Variants in TRHDE observed in about 807,000 individuals in gnomAD.
TRHDE encodes thyrotropin-releasing hormone-degrading ectoenzyme.
TRHDE carries 72 observed loss-of-function variants against 125.7 expected under a neutral mutation model. The observed-to-expected ratio is 0.57, with a 90% CI of 0.47 to 0.70. The LOEUF (loss-of-function observed/expected upper bound fraction) is 0.70. Among genes scored for constraint, TRHDE ranks in the 30% least tolerant of loss-of-function variants. TRHDE has a pLI of 0.00. For missense variants in TRHDE, 1,110 were observed against 1,327.1 expected, an observed-to-expected ratio of 0.84 and a Z score of 2.54; for synonymous variants, 509 against 509.1, an observed-to-expected ratio of 1.00 and a Z score of 0.00.
intron 15 of TRHDE, among the ~76,000 whole-genome samples, chr12:72,646,983 A>C (rs916676409): frequency 2.6e-5 from 4 of 152,064 alleles, no homozygotes; most frequent in African/African-American, 9.7e-5. Context: ...CTTAACAGAC[A>C]TACACAGAAT....
chr12:72,434,283 G>A (rs1874636040), intron 3 of TRHDE, among the ~76,000 whole-genome samples: 1 of 151,344 alleles, frequency 6.6e-6, no homozygotes, highest in Admixed American at 6.6e-5. Flanking sequence ...TACTTGGGAG[G>A]CTGAGGCAGG....
At chr12:72,245,036 T>C (rs1410448601) in intron 2 of TRHDE, among the ~76,000 whole-genome samples, 1 of 152,156 alleles carries the variant, frequency 6.6e-6, no homozygotes, top group African/African-American at 2.4e-5. Context: ...GAAAAACTGA[T>C]GCTCTAGAGT....
intron 7 of TRHDE, among the ~76,000 whole-genome samples, chr12:72,555,580 T>C (rs1869881975): frequency 6.6e-6 from 1 of 152,216 alleles, no homozygotes; most frequent in African/African-American, 2.4e-5. Context: ...TTACTCATTT[T>C]TACTTAATCT....
intron 2 of TRHDE, among the ~76,000 whole-genome samples, chr12:72,190,143 C>T (rs1877309161): frequency 6.6e-6 from 1 of 152,186 alleles, no homozygotes; most frequent in Non-Finnish European, 1.5e-5. Flanking sequence ...TCTAGCAGCA[C>T]TCCATCATCA....
chr12:72,422,143 T>C (rs1873980964), intron 3 of TRHDE, among the ~76,000 whole-genome samples: 1 of 152,168 alleles, frequency 6.6e-6, no homozygotes, highest in Non-Finnish European at 1.5e-5. Flanking sequence ...ATTTTTTATC[T>C]ATAGAAATGT....
intron 2 of TRHDE, among the ~76,000 whole-genome samples, chr12:72,336,112 G>A (rs1223697830): frequency 6.6e-6 from 1 of 152,146 alleles, no homozygotes; most frequent in Admixed American, 6.5e-5. Flanking sequence ...AAGGAGAAAA[G>A]AATTTTAACA....
At chr12:72,486,167 C>T (rs908082475) in intron 5 of TRHDE, among the ~76,000 whole-genome samples, 4 of 152,164 alleles carry the variant, frequency 2.6e-5, no homozygotes, top group African/African-American at 7.2e-5. Context: ...AGCCACACCC[C>T]AGTTCCCTGG....
chr12:72,603,748 CAA>C (rs1465918616), intron 12 of TRHDE, among the ~76,000 whole-genome samples: 17 of 146,908 alleles, frequency 1.2e-4, no homozygotes, highest in Non-Finnish European at 2.1e-4. Context: ...AAAAACAAAA[CAA>C]AACAACAACA....
intron 2 of TRHDE, among the ~76,000 whole-genome samples, chr12:72,179,368 G>A (rs1877050578): frequency 6.6e-6 from 1 of 152,040 alleles, no homozygotes; most frequent in East Asian, 1.9e-4. Flanking sequence ...CTCCACTGAT[G>A]AGCTTAAAGG....
intron 2 of TRHDE, among the ~76,000 whole-genome samples, chr12:72,308,708 C>T (rs1041442085): frequency 6.6e-6 from 1 of 151,992 alleles, no homozygotes; most frequent in Non-Finnish European, 1.5e-5. Context: ...ATATAAATGT[C>T]CAATTAAGTA....
intron 2 of TRHDE, among the ~76,000 whole-genome samples, chr12:72,107,721 T>G (rs1875221245): frequency 1.3e-5 from 2 of 152,152 alleles, no homozygotes; most frequent in African/African-American, 4.8e-5. Context: ...CTTAAACTGC[T>G]GGATACCACA....
At position 72,331,474 on chromosome 12, in the gene TRHDE, AAT is replaced by A. The variant is rs1274785911; in HGVS notation, c.1188+44521_1188+44522del. On this transcript the variant is annotated intron_variant, in intron 2 of 18. Transcript: ENST00000261180. The stretch of plus-strand genomic sequence containing the variant: ...AAGACATTTCATTACTATGCTACCG[AAT>A]GAACTAATTATTTCTGCTATGGAGC... Among the ~76,000 whole-genome samples, 65 of 67,582 alleles carry A rather than the reference AAT, an allele frequency of 9.6e-4. 14 individuals are homozygous for A. Among genetic ancestry groups the A allele is most frequent in the Admixed American group, 1.6e-3 (13 of 8,088 alleles). The allele number at this position is 67,582 out of a possible 152,430, so 44.3% of individuals were successfully genotyped here.
At chr12:72,129,141 C>T (rs1224944357) in intron 2 of TRHDE, among the ~76,000 whole-genome samples, 3 of 152,146 alleles carry the variant, frequency 2.0e-5, no homozygotes, top group Non-Finnish European at 2.9e-5. Context: ...AAAAAGTCCA[C>T]TTGGAACTCT....
chr12:72,277,901 A>G (rs1381572735), intron 1 of TRHDE, among the ~76,000 whole-genome samples: 1 of 152,190 alleles, frequency 6.6e-6, no homozygotes, highest in African/African-American at 2.4e-5. Flanking sequence ...GAACAAATGT[A>G]GTTAATTAAC....
intron 2 of TRHDE, among the ~76,000 whole-genome samples, chr12:72,134,313 C>T (rs1229524465): frequency 1.3e-5 from 2 of 152,010 alleles, no homozygotes; most frequent in East Asian, 3.9e-4. Context: ...TGCAGAATCG[C>T]TCTATTGCCC....
intron 18 of TRHDE, 61 bp downstream of exon 18, chr12:72,657,069 T>C: frequency 9.3e-7 from 1 of 1,073,510 alleles, no homozygotes. Flanking sequence ...ATTATGCATT[T>C]ACTTCAGTCA....
chr12:72,661,445 G>T (rs1005929407), intron 18 of TRHDE, among the ~76,000 whole-genome samples: 1 of 151,910 alleles, frequency 6.6e-6, no homozygotes, highest in Non-Finnish European at 1.5e-5. Context: ...ATTTTTTTCC[G>T]ATTGACCTAT....
At chr12:72,589,100 C>A (rs1327591956) in intron 12 of TRHDE, among the ~76,000 whole-genome samples, 1 of 152,106 alleles carries the variant, frequency 6.6e-6, no homozygotes, top group Non-Finnish European at 1.5e-5. Context: ...CACAGCAAAA[C>A]GATATCACCT....
At chr12:72,499,761 A>C in intron 6 of TRHDE, 126 bp downstream of exon 6, 3 of 1,055,854 alleles carry the variant, frequency 2.8e-6, no homozygotes. Context: ...TTTAGAAAAC[A>C]GAGTCACTAG....
Sources: allele counts gnomAD v4.1 joint callset (sites outside exome capture counted in the v4.1 genomes callset), GRCh38; gene constraint gnomAD v4.1.1; transcripts MANE v1.5; gene names NCBI Gene and HGNC (gene_info 2026-07-23, HGNC 2026-07-21).